TIPARP: variants seen among roughly 807,000 people sequenced by gnomAD.
TIPARP encodes the protein TCDD inducible poly(ADP-ribose) polymerase.
A neutral mutation model predicts 56.5 loss-of-function variants in TIPARP; 12 were observed. The observed-to-expected ratio is 0.21, with a 90% CI of 0.14 to 0.34. The LOEUF (loss-of-function observed/expected upper bound fraction) is 0.34. TIPARP is among the 10% of genes least tolerant of loss of function. TIPARP has a pLI of 1.00. For synonymous variants in TIPARP, 296 were observed against 265.7 expected (o/e 1.11, Z -1.11); for missense variants, 604 against 781.6 (o/e 0.77, Z 2.71).
chr3:156,704,652 C>T, intron 5 of TIPARP, 32 bp from the exon 6 acceptor site: 1 of 1,585,712 alleles, frequency 6.3e-7, no homozygotes. Context: ...GTATTTCATC[C>T]TTCTGAATTC....
At chr3:156,678,707 T>TA in intron 2 of TIPARP, 93 bp downstream of exon 2, 1 of 1,127,618 alleles carries the variant, frequency 8.9e-7, no homozygotes, top group South Asian at 1.6e-5. Context: ...CTTTCAGTAG[T>TA]AACAGGTTTT....
Position 156,678,077 on chromosome 3 carries a change from C to A in TIPARP, c.380C>A (p.Ser127Tyr). The A allele has an allele frequency of 6.2e-7, 1 of 1,614,128 alleles. No individual in the cohort carries two copies. Among genetic ancestry groups the A allele is most frequent in the East Asian group, 2.2e-5 (1 of 44,880 alleles). ...VGDQIPEAHP[S>Y]TEAPERVVPI... ...GACCAGATACCGGAAGCCCATCCTT[C>A]CACTGAAGCTCCAGAACGAGTGGTT... is the stretch of plus-strand genomic sequence containing the variant. The change falls in exon 2 of 6, where the codon TCC becomes TAC. Residue 127 changes from serine to tyrosine, a missense_variant. Transcript: ENST00000295924.
At chr3:156,694,554 T>G (rs529265692) in intron 3 of TIPARP, among the ~76,000 whole-genome samples, 1 of 152,332 alleles carries the variant, frequency 6.6e-6, no homozygotes, top group South Asian at 2.1e-4. Context: ...CTTATGGAGA[T>G]TGGATCAAGT....
intron 2 of TIPARP, among the ~76,000 whole-genome samples, chr3:156,679,961 G>A (rs1722251852): frequency 1.3e-5 from 2 of 151,882 alleles, no homozygotes; most frequent in South Asian, 4.2e-4. Context: ...CATTTATCTC[G>A]TTCCCATTCA....
At chr3:156,679,015 T>C (rs969089475) in intron 2 of TIPARP, among the ~76,000 whole-genome samples, 3 of 152,200 alleles carry the variant, frequency 2.0e-5, no homozygotes, top group Non-Finnish European at 4.4e-5. Flanking sequence ...GCAGCTGTTA[T>C]TTTTTAAAGA....
intron 3 of TIPARP, 23 bp from the exon 4 acceptor site, chr3:156,695,842 T>TTTGTTTTGTTTTTTCCTCCATAGTC: frequency 1.4e-6 from 2 of 1,396,936 alleles, no homozygotes; most frequent in Non-Finnish European, 9.3e-7. Context: ...TTTTTTTTTT[T>TTTGTTTTGTTTTTTCCTCCATAGTC]TGTTCTGTTT....
At chr3:156,692,533 A>G (rs575825212) in intron 2 of TIPARP, among the ~76,000 whole-genome samples, 2 of 152,184 alleles carry the variant, frequency 1.3e-5, no homozygotes, top group South Asian at 2.1e-4. Context: ...ACCATATCCA[A>G]CTAGTTAGTA....
At chr3:156,703,055 G>C (rs927072185) in intron 4 of TIPARP, among the ~76,000 whole-genome samples, 4 of 152,068 alleles carry the variant, frequency 2.6e-5, no homozygotes, top group African/African-American at 9.7e-5. Flanking sequence ...TTTCTGCTTA[G>C]TATCAGCACA....
At position 156,677,574 on chromosome 3, in the gene TIPARP, A is replaced by G; in HGVS notation, c.-41-83A>G. 4.2e-6 allele frequency: 4 copies of G among 954,640 alleles called. No individual in the cohort carries two copies. The East Asian group carries it at 1.0e-4, about 25-fold the overall frequency. 59.1% of individuals were successfully genotyped at this position (954,640 alleles called of 1,614,324 possible). A position where few individuals can be genotyped will look rare whatever the true frequency, so the allele number is the denominator to read the frequency against. On this transcript the variant is annotated intron_variant, in intron 1 of 5. Coordinates refer to ENST00000295924, the MANE Select transcript of TIPARP (RefSeq NM_015508.5). Reference sequence around the variant, plus strand: ...GAATGGTTTCAGGGAATCAGTCAGGACAAAAACAAAACATTTTAATGAATG... The same window carrying G: ...GAATGGTTTCAGGGAATCAGTCAGGGCAAAAACAAAACATTTTAATGAATG...
chr3:156,698,157 G>A (rs970765882), intron 4 of TIPARP, among the ~76,000 whole-genome samples: 4 of 152,210 alleles, frequency 2.6e-5, no homozygotes, highest in African/African-American at 4.8e-5. Flanking sequence ...AGAGAGGTGA[G>A]GAAGCTGCAG....
intron 2 of TIPARP, among the ~76,000 whole-genome samples, chr3:156,681,953 G>C (rs343991): frequency 0.97 from 147,677 of 152,128 alleles, 71,705 homozygotes; most frequent in Middle Eastern, 0.99. Context: ...AACAGAGTCT[G>C]GAACAGTGTA....
At chr3:156,675,288 T>G (rs1054194947) in intron 1 of TIPARP, 7 of 152,338 alleles carry the variant, frequency 4.6e-5, no homozygotes, top group Non-Finnish European at 7.3e-5. Flanking sequence ...CGCACAAGTC[T>G]TCGTCTTCCT....
intron 3 of TIPARP, among the ~76,000 whole-genome samples, 177 bp from the exon 4 acceptor site, chr3:156,695,688 C>G (rs75363617): frequency 6.6e-6 from 1 of 151,972 alleles, no homozygotes; most frequent in Non-Finnish European, 1.5e-5. Context: ...CATCTTTCCA[C>G]CCTACATACT....
intron 4 of TIPARP, among the ~76,000 whole-genome samples, chr3:156,697,327 G>T (rs1388716930): frequency 1.3e-5 from 2 of 151,914 alleles, no homozygotes; most frequent in Non-Finnish European, 2.9e-5. Context: ...CTGTGTGAGG[G>T]TAAGAATGCA....
chr3:156,702,060 G>A (rs1184399238), intron 4 of TIPARP, among the ~76,000 whole-genome samples: 1 of 146,550 alleles, frequency 6.8e-6, no homozygotes, highest in African/African-American at 2.5e-5. Context: ...GGTGGTGGTG[G>A]TGGTGGTGGT....
intron 4 of TIPARP, among the ~76,000 whole-genome samples, chr3:156,699,673 T>G (rs960659526): frequency 6.6e-6 from 1 of 152,230 alleles, no homozygotes; most frequent in Non-Finnish European, 1.5e-5. Flanking sequence ...TGGTCTGGAA[T>G]AGAATGCTCA....
chr3:156,697,009 A>G (rs986648383), intron 4 of TIPARP, among the ~76,000 whole-genome samples: 1 of 152,226 alleles, frequency 6.6e-6, no homozygotes, highest in African/African-American at 2.4e-5. Context: ...AAAACAAAAT[A>G]CAAATAAAAA....
rs756206708 is a variant in TIPARP, at chr3:156,704,931, C to T, written c.1774C>T (p.Leu592=). The T allele has an allele frequency of 6.2e-7, 1 of 1,614,196 alleles. No homozygotes were observed. Residue 592 remains leucine, a synonymous_variant, in exon 6 of 6, where the codon CTG becomes TTG. Coordinates refer to ENST00000295924, the MANE Select transcript of TIPARP (RefSeq NM_015508.5). The part of the protein sequence containing the change: ...GVHFMFLAKV[L]TGRYTMGSHG... ...CCACTTCATGTTTCTGGCCAAAGTG[C>T]TGACGGGCAGATACACAATGGGCAG...
intron 2 of TIPARP, 44 bp downstream of exon 2, chr3:156,678,658 A>G: frequency 1.3e-6 from 2 of 1,533,194 alleles, no homozygotes; most frequent in Non-Finnish European, 1.8e-6. Flanking sequence ...TAAATGCTAT[A>G]GAGAAGGTAA....
Sources: gnomAD v4.1 joint callset for allele counts (sites outside exome capture counted in the v4.1 genomes callset) on GRCh38, gnomAD v4.1.1 for gene constraint, MANE v1.5 for transcripts, NCBI Gene and HGNC (gene_info 2026-07-23, HGNC 2026-07-21) for gene names.